Variants in EPM2A observed in about 807,000 individuals in gnomAD.
EPM2A encodes laforin.
In EPM2A, 21 loss-of-function variants were observed where a neutral mutation model predicts 26.5. That is an observed-to-expected ratio of 0.79 (90% CI 0.56 to 1.14). EPM2A has a LOEUF of 1.14. Ranked by LOEUF, EPM2A falls within the 50% of genes most tolerant of loss-of-function variation. The pLI, the probability that EPM2A is intolerant of heterozygous loss-of-function variation, is 0.00. For synonymous variants in EPM2A, 217 were observed against 177.6 expected (o/e 1.22, Z -1.76); for missense variants, 458 against 440.8 (o/e 1.04, Z -0.35).
intron 2 of EPM2A, among the ~76,000 whole-genome samples, chr6:145,515,519 C>A (rs1236362893): frequency 6.6e-6 from 1 of 152,170 alleles, no homozygotes; most frequent in African/African-American, 2.4e-5. Context: ...GACAGGCACA[C>A]TTCCTCATAC....
intron 2 of EPM2A, chr6:145,680,260 C>T (rs1427788805): frequency 2.0e-5 from 3 of 151,356 alleles, no homozygotes; most frequent in Non-Finnish European, 4.4e-5. Context: ...GGCATGTATG[C>T]CTTGGCTAAA....
intron 2 of EPM2A, among the ~76,000 whole-genome samples, chr6:145,528,211 A>G (rs1780305654): frequency 6.6e-6 from 1 of 152,174 alleles, no homozygotes. Context: ...CTGCTAATGA[A>G]GAAGCTAAAG....
At chr6:145,671,221 CAAG>C in intron 2 of EPM2A, 3 of 1,026,830 alleles carry the variant, frequency 2.9e-6, no homozygotes, top group East Asian at 1.9e-4. Context: ...TATCATTATA[CAAG>C]AAGTGTATAC....
At chr6:145,469,319 T>C (rs1246151597) in intron 4 of EPM2A, among the ~76,000 whole-genome samples, 4 of 152,110 alleles carry the variant, frequency 2.6e-5, no homozygotes, top group Non-Finnish European at 4.4e-5. Context: ...GTGAGCATTA[T>C]GGGGATTACA....
chr6:145,653,165 T>C (rs957798380), intron 2 of EPM2A, among the ~76,000 whole-genome samples: 1 of 152,224 alleles, frequency 6.6e-6, no homozygotes, highest in African/African-American at 2.4e-5. Flanking sequence ...TCTTGAATTA[T>C]AATCCCCACC....
At chr6:145,461,097 T>C (rs17075195) in intron 4 of EPM2A, among the ~76,000 whole-genome samples, 9,521 of 152,222 alleles carry the variant, frequency 0.063, 476 homozygotes, top group East Asian at 0.25. Flanking sequence ...CCTTTTTGTA[T>C]TCTCAACCTT....
intron 4 of EPM2A, among the ~76,000 whole-genome samples, chr6:145,414,436 G>A (rs1006944107): frequency 4.6e-5 from 7 of 151,792 alleles, no homozygotes; most frequent in Admixed American, 6.6e-5. Context: ...CAGTTGATTC[G>A]CTTCACTAAA....
At chr6:145,549,115 A>C (rs1439914643) in intron 2 of EPM2A, among the ~76,000 whole-genome samples, 1 of 152,104 alleles carries the variant, frequency 6.6e-6, no homozygotes. Context: ...TTCAAAGATA[A>C]CATAAAAACC....
chr6:145,719,319 G>C (rs1183945192), intron 1 of EPM2A, among the ~76,000 whole-genome samples: 2 of 149,902 alleles, frequency 1.3e-5, no homozygotes, highest in East Asian at 1.9e-4. Context: ...CATGTCCTTT[G>C]TAGGGACATG....
intron 2 of EPM2A, among the ~76,000 whole-genome samples, chr6:145,524,074 G>C (rs982401159): frequency 7.9e-5 from 12 of 152,122 alleles, no homozygotes; most frequent in Non-Finnish European, 1.5e-5. Flanking sequence ...AATTCACTTA[G>C]GATAATGGCC....
chr6:145,646,474 C>A (rs1777473413), intron 2 of EPM2A, among the ~76,000 whole-genome samples: 1 of 152,100 alleles, frequency 6.6e-6, no homozygotes, highest in Non-Finnish European at 1.5e-5. Flanking sequence ...CTGCACTTGG[C>A]CACATACACT....
intron 2 of EPM2A, among the ~76,000 whole-genome samples, chr6:145,590,858 G>GA (rs750932860): frequency 2.0e-5 from 3 of 151,874 alleles, no homozygotes; most frequent in Admixed American, 1.3e-4. Flanking sequence ...AGACAAATAA[G>GA]AAAAAAACAG....
chr6:145,699,989 T>C (rs1327756858), intron 1 of EPM2A, among the ~76,000 whole-genome samples: 1 of 152,150 alleles, frequency 6.6e-6, no homozygotes, highest in Non-Finnish European at 1.5e-5. Flanking sequence ...TAAAATCAAA[T>C]CTGAAACTCA....
intron 4 of EPM2A, among the ~76,000 whole-genome samples, chr6:145,462,199 T>C (rs1195916505): frequency 6.6e-6 from 1 of 152,164 alleles, no homozygotes; most frequent in Non-Finnish European, 1.5e-5. Flanking sequence ...AAAGTTCCTG[T>C]CTTGTACTTC....
intron 2 of EPM2A, among the ~76,000 whole-genome samples, chr6:145,662,351 T>G (rs1210850835): frequency 1.3e-5 from 2 of 152,266 alleles, no homozygotes; most frequent in African/African-American, 2.4e-5. Context: ...ATTTTTGATA[T>G]GCTGAATTTT....
At chr6:145,678,631 CAACA>C (rs1350649592) in intron 2 of EPM2A, among the ~76,000 whole-genome samples, 2 of 152,102 alleles carry the variant, frequency 1.3e-5, no homozygotes, top group African/African-American at 2.4e-5. Flanking sequence ...TTTATGCAGC[CAACA>C]GACACATGAA....
In EPM2A at chr6:145,613,295, G is replaced by A. The variant is rs114927105; in HGVS notation, c.340+21950C>T. Among the ~76,000 whole-genome samples the A allele has an allele frequency of 4.0e-3, 602 of 152,200 alleles. 3 individuals carry two copies. Among genetic ancestry groups the A allele is most frequent in the African/African-American group, 0.014 (569 of 41,546 alleles). On this transcript the variant is annotated intron_variant, in intron 2 of 3. Coordinates refer to the EPM2A transcript ENST00000450221. ...AGTCACATCTTCGGACTCCACTACT[G>A]TTTCCAGTTCTCTTGCCATTATCTA...
chr6:145,414,910 T>C (rs1429676776), intron 4 of EPM2A, among the ~76,000 whole-genome samples: 1 of 152,218 alleles, frequency 6.6e-6, no homozygotes, highest in East Asian at 1.9e-4. Flanking sequence ...TGGCTTCTAC[T>C]TTCTAAAAAA....
chr6:145,557,149 T>A (rs1780738172), intron 2 of EPM2A, among the ~76,000 whole-genome samples: 2 of 152,166 alleles, frequency 1.3e-5, no homozygotes, highest in South Asian at 4.1e-4. Flanking sequence ...TTATTCAGTA[T>A]TTCAATTCAT....
Sources: gnomAD v4.1 joint callset for allele counts (sites outside exome capture counted in the v4.1 genomes callset) on GRCh38, gnomAD v4.1.1 for gene constraint, MANE v1.5 for transcripts, NCBI Gene and HGNC (gene_info 2026-07-23, HGNC 2026-07-21) for gene names.